The following RBL1 variants were observed in gnomAD, a reference collection of about 807,000 sequenced individuals.
RBL1 encodes retinoblastoma-like protein 1.
In RBL1, 82 loss-of-function variants were observed where a neutral mutation model predicts 123.0. That is an observed-to-expected ratio of 0.67 (90% CI 0.56 to 0.80). The LOEUF (loss-of-function observed/expected upper bound fraction) is 0.80, where lower values mean the gene tolerates loss of function less well. Ranked by LOEUF, RBL1 falls within the 30% of genes least tolerant of loss-of-function variation. The pLI is 0.00. For synonymous variants in RBL1, 405 were observed against 441.3 expected (o/e 0.92, Z 1.03); for missense variants, 1,171 against 1,299.6 (o/e 0.90, Z 1.52).
At chr20:37,011,910 C>G (rs935960293) in intron 19 of RBL1, among the ~76,000 whole-genome samples, 2 of 152,156 alleles carry the variant, frequency 1.3e-5, no homozygotes, top group South Asian at 2.1e-4. Flanking sequence ...TTTCCACGGT[C>G]TCCCTCTGAT....
intron 16 of RBL1, among the ~76,000 whole-genome samples, chr20:37,032,326 A>C (rs1013877037): frequency 1.3e-5 from 2 of 152,206 alleles, no homozygotes; most frequent in Non-Finnish European, 2.9e-5. Flanking sequence ...AAAAACAAAC[A>C]AATATCGTAT....
At chr20:37,003,055 A>ATAG (rs1268991424) in intron 21 of RBL1, among the ~76,000 whole-genome samples, 1 of 152,174 alleles carries the variant, frequency 6.6e-6, no homozygotes, top group Non-Finnish European at 1.5e-5. Flanking sequence ...TTTGTCAAGT[A>ATAG]TAGTAGGAAC....
chr20:37,031,945 A>C (rs1467059418), intron 16 of RBL1, among the ~76,000 whole-genome samples: 1 of 141,824 alleles, frequency 7.1e-6, no homozygotes, highest in Non-Finnish European at 1.5e-5. Context: ...ATAGGGTCTC[A>C]CTGTGTCGCC....
At chr20:37,040,408 G>A in intron 13 of RBL1, 123 bp from the exon 14 acceptor site, 1 of 1,393,236 alleles carries the variant, frequency 7.2e-7, no homozygotes, top group Non-Finnish European at 9.4e-7. Flanking sequence ...CTGGAATGCA[G>A]TGGCACGATT....
chr20:37,087,086 C>G (rs2065558167), intron 2 of RBL1, among the ~76,000 whole-genome samples: 1 of 152,188 alleles, frequency 6.6e-6, no homozygotes, highest in African/African-American at 2.4e-5. Context: ...CCTGTAATCC[C>G]AGCACTTTGG....
intron 1 of RBL1, among the ~76,000 whole-genome samples, chr20:37,093,603 C>CA (rs1214075700): frequency 6.6e-6 from 1 of 151,500 alleles, no homozygotes; most frequent in African/African-American, 2.4e-5. Context: ...TGCACCACTG[C>CA]ATTCCAGGCC....
intron 20 of RBL1, 29 bp from the exon 21 acceptor site, chr20:37,003,895 A>G: frequency 1.3e-6 from 2 of 1,544,196 alleles, no homozygotes. Context: ...CAGATTTTTT[A>G]GATAAAAGTT....
rs747522591 is a variant in RBL1 at position 37,068,047 on chromosome 20, A to C, written c.430T>G (p.Leu144Val). Residue 144 changes from leucine (L) to valine (V), a missense_variant, in exon 3 of 22, where the codon TTA (leucine) becomes GTA (valine). Coordinates refer to ENST00000373664, the MANE Select transcript of RBL1 (RefSeq NM_002895.5). ...VIFKKYEPIFLDIFQNPYEEP... is the reference protein window; with the variant it reads ...VIFKKYEPIFVDIFQNPYEEP... ...TCATATGGATTTTGAAATATATCTA[A>C]AAAAATTGGCTCATATTTTTTGAAT... 11 of 1,613,648 alleles carry C rather than the reference A, an allele frequency of 6.8e-6. No homozygotes were observed. In the East Asian group the frequency reaches 2.5e-4, roughly 36 times the overall value.
chr20:37,043,598 A>T (rs1258763917), intron 13 of RBL1, among the ~76,000 whole-genome samples: 1 of 152,068 alleles, frequency 6.6e-6, no homozygotes, highest in African/African-American at 2.4e-5. Flanking sequence ...GGGCCGAGGA[A>T]GTTGAGGGTG....
At chr20:37,070,347 T>C (rs1347890999) in intron 2 of RBL1, among the ~76,000 whole-genome samples, 3 of 152,028 alleles carry the variant, frequency 2.0e-5, no homozygotes, top group African/African-American at 7.2e-5. Context: ...GGCCGCAGGG[T>C]CCTCTGCCTA....
intron 14 of RBL1, among the ~76,000 whole-genome samples, chr20:37,038,065 C>G (rs1436204268): frequency 2.0e-5 from 3 of 147,008 alleles, no homozygotes; most frequent in East Asian, 4.0e-4. Context: ...GATCTCCGCT[C>G]ACTGCAAACT....
At chr20:37,005,086 G>C (rs1360548659) in intron 20 of RBL1, among the ~76,000 whole-genome samples, 1 of 151,862 alleles carries the variant, frequency 6.6e-6, no homozygotes, top group Non-Finnish European at 1.5e-5. Context: ...GTTAAGCCAC[G>C]AGCATGAGAA....
chr20:37,068,780 A>T (rs1345762782), intron 2 of RBL1, among the ~76,000 whole-genome samples: 9 of 152,254 alleles, frequency 5.9e-5, no homozygotes, highest in Non-Finnish European at 1.3e-4. Context: ...TTCAAGACAC[A>T]GCCTGAGCAA....
intron 9 of RBL1, among the ~76,000 whole-genome samples, chr20:37,057,569 G>A (rs1447963074): frequency 6.6e-6 from 1 of 152,126 alleles, no homozygotes; most frequent in Non-Finnish European, 1.5e-5. Flanking sequence ...TTGTTCTTGA[G>A]TTTCAGGAGT....
intron 20 of RBL1, among the ~76,000 whole-genome samples, chr20:37,004,911 C>T (rs1055863356): frequency 1.3e-5 from 2 of 151,594 alleles, no homozygotes; most frequent in African/African-American, 2.4e-5. Context: ...GGTGTGGTGG[C>T]GTGCGCCTAT....
Position 37,018,987 on chromosome 20 carries a change from G to T in RBL1, c.2632-618C>A, listed in dbSNP as rs2064299732. Reference sequence around the variant, plus strand: ...TAAAACAAACAAACAAAAAACAAAAGACCTGAATTAATTCCTCCTTCTTCT... The same window carrying T: ...TAAAACAAACAAACAAAAAACAAAATACCTGAATTAATTCCTCCTTCTTCT... On this transcript the variant is annotated intron_variant, in intron 18 of 21. Coordinates refer to ENST00000373664, the MANE Select transcript of RBL1 (RefSeq NM_002895.5). Among the ~76,000 whole-genome samples, 3 of 151,590 alleles carry T rather than the reference G, an allele frequency of 2.0e-5. No individual in the cohort carries two copies. In the South Asian group the frequency reaches 6.2e-4, roughly 32 times the overall value.
intron 7 of RBL1, among the ~76,000 whole-genome samples, chr20:37,063,670 C>T (rs1390608865): frequency 6.6e-6 from 1 of 151,794 alleles, no homozygotes; most frequent in African/African-American, 2.4e-5. Flanking sequence ...CGCCATCACA[C>T]CCAGATAATT....
chr20:37,082,377 G>C (rs1359127040), intron 2 of RBL1, among the ~76,000 whole-genome samples: 2 of 152,174 alleles, frequency 1.3e-5, no homozygotes, highest in African/African-American at 4.8e-5. Flanking sequence ...GGTGGTGTTG[G>C]TTGAACAATG....
intron 9 of RBL1, among the ~76,000 whole-genome samples, 169 bp downstream of exon 9, chr20:37,060,934 G>C (rs953523185): frequency 6.6e-6 from 1 of 152,102 alleles, no homozygotes; most frequent in Non-Finnish European, 1.5e-5. Flanking sequence ...ATTTTTAATA[G>C]GTACTTCAAT....
Sources: gnomAD v4.1 joint callset for allele counts (sites outside exome capture counted in the v4.1 genomes callset) on GRCh38, gnomAD v4.1.1 for gene constraint, MANE v1.5 for transcripts, NCBI Gene and HGNC (gene_info 2026-07-23, HGNC 2026-07-21) for gene names.